The following CSMD1 variants were observed in gnomAD, a reference collection of about 807,000 sequenced individuals.
The protein encoded by CSMD1 is CUB and Sushi multiple domains 1, also known as CUB and sushi domain-containing protein 1.
CSMD1 carries 213 observed loss-of-function variants against 417.5 expected under a neutral mutation model. The observed-to-expected ratio is 0.51, with a 90% CI of 0.46 to 0.57. The LOEUF (loss-of-function observed/expected upper bound fraction) is 0.57, where lower values mean the gene tolerates loss of function less well. CSMD1 is among the 20% of genes least tolerant of loss of function. The pLI is 0.00. For missense variants in CSMD1, 6,923 were observed against 4,529.7 expected (o/e 1.53, Z -15.17); for synonymous variants, 2,862 against 1,736.8 (o/e 1.65, Z -16.11).
rs922337571 is a variant in CSMD1 at position 4,073,816 on chromosome 8, G to A, written c.416-41717C>T. ...AAATTATTTACCTCATTATTAATTG[G>A]TTGAAAATTGCTTTGTTAATAGTTG... On this transcript the variant is annotated intron_variant, in intron 3 of 69. Coordinates refer to ENST00000635120, the MANE Select transcript of CSMD1 (RefSeq NM_033225.6). 2.0e-5 allele frequency among the ~76,000 whole-genome samples: 3 copies of A among 152,110 alleles called. No individual in the cohort carries two copies. The South Asian group carries it at 6.2e-4, about 32-fold the overall frequency.
intron 5 of CSMD1, among the ~76,000 whole-genome samples, chr8:3,983,786 C>T (rs961657609): frequency 2.0e-5 from 3 of 151,956 alleles, no homozygotes; most frequent in Admixed American, 6.5e-5. Flanking sequence ...TAGAGCACGT[C>T]GCAGTTCTGA....
intron 23 of CSMD1, among the ~76,000 whole-genome samples, chr8:3,314,028 C>A (rs373448913): frequency 6.6e-6 from 1 of 152,002 alleles, no homozygotes; most frequent in Non-Finnish European, 1.5e-5. Flanking sequence ...GGACAAAAAA[C>A]CAAACACCTC....
intron 2 of CSMD1, among the ~76,000 whole-genome samples, chr8:4,509,828 T>C (rs1012574991): frequency 2.6e-5 from 4 of 152,160 alleles, no homozygotes; most frequent in Non-Finnish European, 5.9e-5. Flanking sequence ...CATTGGGATG[T>C]TAAATTGCCC....
At chr8:3,752,628 C>A (rs1450109476) in intron 6 of CSMD1, among the ~76,000 whole-genome samples, 1 of 135,242 alleles carries the variant, frequency 7.4e-6, no homozygotes, top group African/African-American at 2.9e-5. Context: ...CACTCCAGCC[C>A]AGACAACAGA....
chr8:4,859,863 G>C (rs1802022762), intron 1 of CSMD1, among the ~76,000 whole-genome samples: 1 of 152,084 alleles, frequency 6.6e-6, no homozygotes, highest in Non-Finnish European at 1.5e-5. Context: ...GATTCCTCAG[G>C]GATGTAGAAC....
At chr8:3,061,784 T>C (rs1442739692) in intron 49 of CSMD1, among the ~76,000 whole-genome samples, 5 of 152,234 alleles carry the variant, frequency 3.3e-5, no homozygotes, top group African/African-American at 1.2e-4. Flanking sequence ...GTGAAAAGTT[T>C]TTCTAATTGC....
chr8:4,050,121 G>A (rs1355406329), intron 3 of CSMD1, among the ~76,000 whole-genome samples: 1 of 152,154 alleles, frequency 6.6e-6, no homozygotes, highest in Non-Finnish European at 1.5e-5. Flanking sequence ...GATCACAGAG[G>A]TAAAGAACAC....
chr8:4,115,232 C>G (rs562554135), intron 3 of CSMD1, among the ~76,000 whole-genome samples: 1 of 152,212 alleles, frequency 6.6e-6, no homozygotes, highest in East Asian at 1.9e-4. Context: ...AACATTGAGG[C>G]AAGAGCTTCC....
chr8:3,951,316 C>T lies in CSMD1; in HGVS notation c.818+46587G>A, dbSNP rs113632327. On this transcript the variant is annotated intron_variant, in intron 5 of 69. Transcript: ENST00000635120. The stretch of plus-strand genomic sequence containing the variant: ...TGTGTCTTCCATGGCACCTTCTCCT[C>T]GTTTTAAGCACCAGCCCAGTGTCCT... 6.0e-3 allele frequency among the ~76,000 whole-genome samples: 914 copies of T among 152,290 alleles called. 8 individuals are homozygous for T. The highest frequency in any genetic ancestry group is 0.018 in the African/African-American group (738 of 41,572).
intron 2 of CSMD1, among the ~76,000 whole-genome samples, chr8:4,631,261 C>A (rs1183374734): frequency 6.6e-6 from 1 of 152,078 alleles, no homozygotes; most frequent in African/African-American, 2.4e-5. Context: ...ACTTGGGAGG[C>A]TGAGGCAGGA....
At chr8:3,994,940 C>T (rs926193134) in intron 5 of CSMD1, among the ~76,000 whole-genome samples, 2 of 152,182 alleles carry the variant, frequency 1.3e-5, no homozygotes, top group Non-Finnish European at 2.9e-5. Flanking sequence ...TCTGCCCTCA[C>T]TCCACTCACA....
intron 18 of CSMD1, among the ~76,000 whole-genome samples, chr8:3,378,069 G>A (rs1810419879): frequency 6.6e-6 from 1 of 152,140 alleles, no homozygotes; most frequent in African/African-American, 2.4e-5. Flanking sequence ...CAACATGTAA[G>A]GATGAAGAAG....
At chr8:4,164,842 C>G (rs1584941194) in intron 3 of CSMD1, among the ~76,000 whole-genome samples, 2 of 150,470 alleles carry the variant, frequency 1.3e-5, no homozygotes, top group Admixed American at 6.7e-5. Context: ...TGCCACTGCA[C>G]TCCAAGCCTG....
intron 52 of CSMD1, among the ~76,000 whole-genome samples, chr8:3,013,340 T>G (rs931866839): frequency 2.0e-5 from 3 of 152,216 alleles, no homozygotes; most frequent in African/African-American, 7.2e-5. Flanking sequence ...GGGCTGGCAC[T>G]GATATGGAAA....
chr8:3,967,267 T>G (rs1276047516), intron 5 of CSMD1, among the ~76,000 whole-genome samples: 1 of 138,616 alleles, frequency 7.2e-6, no homozygotes, highest in Non-Finnish European at 1.6e-5. Flanking sequence ...TTTTTAATTC[T>G]CTCTCTATAC....
chr8:4,208,750 A>G (rs1800125456), intron 3 of CSMD1, among the ~76,000 whole-genome samples: 1 of 152,212 alleles, frequency 6.6e-6, no homozygotes, highest in Non-Finnish European at 1.5e-5. Context: ...TGGAGAATAT[A>G]TTGTCGTGGA....
intron 1 of CSMD1, among the ~76,000 whole-genome samples, chr8:4,735,136 G>T (rs760972260): frequency 1.3e-5 from 2 of 152,174 alleles, no homozygotes; most frequent in Admixed American, 6.5e-5. Context: ...TGGTATTCAG[G>T]ATCTTTTTAT....
Position 4,157,619 on chromosome 8 carries a change from G to T in CSMD1, c.416-125520C>A, listed in dbSNP as rs895631517. ...GTAACAAATGCAAATCTTTCACGCA[G>T]AGTTGATTTTCAGAACAGCTCAGAC... On this transcript the variant is annotated intron_variant, in intron 3 of 69. Transcript: ENST00000635120. Among the ~76,000 whole-genome samples, 12 of 152,306 alleles carry T rather than the reference G, an allele frequency of 7.9e-5. No homozygotes were observed. The East Asian group carries it at 2.3e-3, about 29-fold the overall frequency.
At chr8:4,963,776 A>C (rs1317869037) in intron 1 of CSMD1, among the ~76,000 whole-genome samples, 2 of 152,166 alleles carry the variant, frequency 1.3e-5, no homozygotes, top group African/African-American at 4.8e-5. Flanking sequence ...CATGACTTTC[A>C]TGGCAACGTC....
Sources: gnomAD v4.1 joint callset for allele counts (sites outside exome capture counted in the v4.1 genomes callset) on GRCh38, gnomAD v4.1.1 for gene constraint, MANE v1.5 for transcripts, NCBI Gene and HGNC (gene_info 2026-07-23, HGNC 2026-07-21) for gene names.